STRA6: variants seen among roughly 807,000 people sequenced by gnomAD.
The protein encoded by STRA6 is receptor for retinol uptake STRA6.
A neutral mutation model predicts 83.6 loss-of-function variants in STRA6; 48 were observed. The observed-to-expected ratio is 0.57, with a 90% confidence interval of 0.46 to 0.73. The LOEUF (loss-of-function observed/expected upper bound fraction) is 0.73. Among genes scored for constraint, STRA6 ranks in the 30% least tolerant of loss-of-function variants. The pLI is 0.00. For synonymous variants in STRA6, 353 were observed against 362.3 expected (o/e 0.97, Z 0.29); for missense variants, 760 against 838.8 (o/e 0.91, Z 1.16).
intron 17 of STRA6, 28 bp from the exon 18 acceptor site, chr15:74,180,965 T>C: frequency 1.2e-6 from 2 of 1,612,314 alleles, no homozygotes; most frequent in Non-Finnish European, 1.7e-6. Flanking sequence ...ATGGCAATGC[T>C]GGGGGAGCAG....
At position 74,180,830 on chromosome 15, in the gene STRA6, TC is replaced by T. The variant is rs2072941998; in HGVS notation, c.1791del (p.Thr598ProfsTer176). The stretch of plus-strand genomic sequence containing the variant: ...AGGCTGTCCTGGGGGGCTGCCATGG[TC>T]CTGGGTAGGAGGCTCTGCGCTTGCA... ...LLLQAQSLLP[R>X]TMAAPQDSLR... On this transcript the variant is annotated frameshift_variant, in exon 18 of 19. Coordinates refer to ENST00000395105, the MANE Select transcript of STRA6 (RefSeq NM_022369.4). LOFTEE classifies it low-confidence loss of function (END_TRUNC). 4 of 1,613,834 alleles carry T rather than the reference TC, an allele frequency of 2.5e-6. No homozygotes were observed. Among genetic ancestry groups the T allele is most frequent in the Non-Finnish European group, 3.4e-6 (4 of 1,179,916 alleles).
At chr15:74,192,469 C>T (rs1022833071) in intron 8 of STRA6, among the ~76,000 whole-genome samples, 1 of 152,218 alleles carries the variant, frequency 6.6e-6, no homozygotes, top group Middle Eastern at 3.4e-3. Flanking sequence ...AAAAGGGACC[C>T]GGGGTTCTCC....
At chr15:74,190,468 T>C (rs762980166) in intron 11 of STRA6, among the ~76,000 whole-genome samples, 1 of 151,894 alleles carries the variant, frequency 6.6e-6, no homozygotes, top group Non-Finnish European at 1.5e-5. Context: ...TTATCAAACA[T>C]GTTGTCTTGC....
chr15:74,191,018 C>T, intron 10 of STRA6, 117 bp from the exon 11 acceptor site: 1 of 1,572,428 alleles, frequency 6.4e-7, no homozygotes. Context: ...CAAGGCCAGG[C>T]CAGGGTCTTC....
rs1240913955 is a variant in STRA6, at chr15:74,202,259, G to A, written c.9C>T (p.Ser3=). 15 of 1,543,454 alleles carry A rather than the reference G, an allele frequency of 9.7e-6. No individual in the cohort carries two copies. Among genetic ancestry groups the A allele is most frequent in the Non-Finnish European group, 1.2e-5 (14 of 1,150,876 alleles). Residue 3 remains serine (S), a synonymous_variant, in exon 2 of 19, where the codon TCC becomes TCT. Coordinates refer to ENST00000395105, the MANE Select transcript of STRA6 (RefSeq NM_022369.4). ...GGGAGGTCTGGTTCCCTGCTGGCTG[G>A]GACGACATTCTCTGGCCCTTCTCCT... MS[S]QPAGNQTSPG...
chr15:74,198,386 C>T (rs1567196212), intron 2 of STRA6, among the ~76,000 whole-genome samples: 1 of 152,164 alleles, frequency 6.6e-6, no homozygotes, highest in African/African-American at 2.4e-5. Context: ...GCTGGGATTA[C>T]AGGTGTGAGC....
chr15:74,194,781 T>C (rs1595850825), intron 7 of STRA6: 2 of 1,275,968 alleles, frequency 1.6e-6, no homozygotes, highest in East Asian at 2.9e-5. Flanking sequence ...GGATTCACAC[T>C]CAGGTTGTCT....
intron 2 of STRA6, 152 bp downstream of exon 2, chr15:74,202,003 A>C: frequency 1.2e-6 from 1 of 868,710 alleles, no homozygotes; most frequent in Non-Finnish European, 1.6e-6. Flanking sequence ...AACCCCAGAG[A>C]GGCTGTGACT....
At position 74,197,282 on chromosome 15, in the gene STRA6, G is replaced by A. The variant is rs1187999713; in HGVS notation, c.266+56C>T. ...ACCTAACAAATCACCCACCCTCCCAGAGGGACCCTGTCAGCTGGGTCCCCT... is the reference window on the plus strand; with the variant it reads ...ACCTAACAAATCACCCACCCTCCCAAAGGGACCCTGTCAGCTGGGTCCCCT... On this transcript the variant is annotated intron_variant, in intron 4 of 18. Coordinates refer to ENST00000395105, the MANE Select transcript of STRA6 (RefSeq NM_022369.4). The A allele has an allele frequency of 9.8e-6, 13 of 1,322,942 alleles. 1 individual carries two copies. In the Admixed American group the frequency reaches 2.6e-4, roughly 26 times the overall value. The allele number at this position is 1,322,942 out of a possible 1,614,324, so 82.0% of individuals were successfully genotyped here.
chr15:74,180,311 C>A (rs1595819004), intron 18 of STRA6, 68 bp from the exon 19 acceptor site: 1 of 1,597,914 alleles, frequency 6.3e-7, no homozygotes, highest in Middle Eastern at 1.7e-4. Context: ...GCCCTCAGAC[C>A]TGATCAGAGA....
At chr15:74,194,449 A>C in intron 7 of STRA6, 1 of 972,062 alleles carries the variant, frequency 1.0e-6, no homozygotes, top group Non-Finnish European at 1.2e-6. Flanking sequence ...GTGGTGAAAA[A>C]AAGCCACCAA....
At chr15:74,197,473 G>C in intron 3 of STRA6, 50 bp from the exon 4 acceptor site, 1 of 1,470,832 alleles carries the variant, frequency 6.8e-7, no homozygotes, top group South Asian at 1.2e-5. Context: ...CCTCCCCTGA[G>C]GGTCTGAGTT....
At chr15:74,181,042 A>G (rs1185216778) in intron 17 of STRA6, 105 bp from the exon 18 acceptor site, 6 of 1,496,838 alleles carry the variant, frequency 4.0e-6, no homozygotes, top group African/African-American at 1.4e-5. Context: ...CACTCCCTGC[A>G]TCCAAGCATG....
intron 1 of STRA6, chr15:74,208,163 A>G (rs1027876201): frequency 3.0e-6 from 2 of 661,664 alleles, no homozygotes; most frequent in Non-Finnish European, 3.9e-6. Flanking sequence ...CCAGAGGGCT[A>G]GGCTAGTACT....
intron 18 of STRA6, 25 bp downstream of exon 18, chr15:74,180,757 C>A: frequency 6.3e-7 from 1 of 1,596,604 alleles, no homozygotes; most frequent in African/African-American, 1.3e-5. Context: ...GGCTCTATTC[C>A]CCCATTCCCA....
chr15:74,180,638 C>T, intron 18 of STRA6, 144 bp downstream of exon 18: 3 of 1,157,794 alleles, frequency 2.6e-6, no homozygotes, highest in Non-Finnish European at 3.6e-6. Flanking sequence ...GAGATCAGAC[C>T]AGGAGGGGTG....
Position 74,196,116 on chromosome 15 carries a change from G to C in STRA6, c.298C>G (p.Arg100Gly), listed in dbSNP as rs762371173. The change falls in exon 5 of 19, where the codon CGG (arginine) becomes GGG (glycine). Residue 100 changes from arginine to glycine, a missense_variant. Physicochemically the swap from Arg to Gly is moderately radical, Grantham distance 125. Coordinates refer to ENST00000395105, the MANE Select transcript of STRA6 (RefSeq NM_022369.4). ...PVDFLAGDRP[R>G]AVPAAVFMVL... is the part of the protein sequence containing the mutation. ...ATGAAAACAGCAGCAGGCACTGCCC[G>C]GGGCCTGTCCCCAGCCAAGAAATCC... 1 of 1,613,884 alleles carries C rather than the reference G, an allele frequency of 6.2e-7. No homozygotes were observed. Among genetic ancestry groups the C allele is most frequent in the Non-Finnish European group, 8.5e-7 (1 of 1,179,978 alleles).
chr15:74,197,629 A>G, intron 3 of STRA6, 123 bp downstream of exon 3: 1 of 1,360,554 alleles, frequency 7.3e-7, no homozygotes, highest in East Asian at 2.5e-5. Context: ...GAGAACTCCC[A>G]GATAGCTCCC....
At chr15:74,194,927 C>T in intron 7 of STRA6, 2 of 1,424,166 alleles carry the variant, frequency 1.4e-6, no homozygotes, top group Non-Finnish European at 1.8e-6. Context: ...TGACTTCGCA[C>T]TTGCCGGCCT....
Sources: allele counts gnomAD v4.1 joint callset (sites outside exome capture counted in the v4.1 genomes callset), GRCh38; gene constraint gnomAD v4.1.1; transcripts MANE v1.5; gene names NCBI Gene and HGNC (gene_info 2026-07-23, HGNC 2026-07-21).